The following GRIK4 variants were observed in gnomAD, a reference collection of about 807,000 sequenced individuals.
GRIK4 encodes glutamate receptor ionotropic, kainate 4.
Under a neutral mutation model 104.9 loss-of-function variants are expected in GRIK4, and 40 were observed. The observed-to-expected ratio is 0.38, with a 90% CI of 0.30 to 0.50. GRIK4 has a LOEUF of 0.50. Ranked by LOEUF, GRIK4 falls within the 20% of genes least tolerant of loss-of-function variation. The pLI is 0.93. For missense variants in GRIK4, 1,047 were observed against 1,308.1 expected (o/e 0.80, Z 3.08); for synonymous variants, 485 against 524.9 (o/e 0.92, Z 1.04).
chr11:120,570,430 C>T (rs7929781), intron 1 of GRIK4, among the ~76,000 whole-genome samples: 76,114 of 151,932 alleles, frequency 0.5, 19,900 homozygotes, highest in African/African-American at 0.65. Flanking sequence ...TTTAATGTAT[C>T]GATTGCATAC....
Position 120,587,288 on chromosome 11 carries a change from C to A in GRIK4, c.-158-66397C>A, listed in dbSNP as rs560460837. Among the ~76,000 whole-genome samples, 13 of 152,100 alleles carry A rather than the reference C, an allele frequency of 8.5e-5. No homozygotes were observed. In the East Asian group the frequency reaches 1.5e-3, roughly 18 times the overall value. On this transcript the variant is annotated intron_variant, in intron 1 of 20. Coordinates refer to ENST00000527524, the MANE Select transcript of GRIK4 (RefSeq NM_014619.5). ...GGGTGAGAGGCCCCTGGGGAAGGCA[C>A]CGCGGCCAGTGTGAGTACGTGATTG...
chr11:120,756,359 C>T (rs1242177513), intron 3 of GRIK4, among the ~76,000 whole-genome samples: 2 of 152,174 alleles, frequency 1.3e-5, no homozygotes, highest in Non-Finnish European at 2.9e-5. Context: ...TAACTCTTGA[C>T]CCTTAAGGCC....
intron 3 of GRIK4, among the ~76,000 whole-genome samples, chr11:120,768,292 A>G (rs188436670): frequency 6.6e-6 from 1 of 151,878 alleles, no homozygotes; most frequent in East Asian, 1.9e-4. Context: ...ATTCCTAGAT[A>G]TTTTGTTTTT....
chr11:120,988,129 C>T lies in GRIK4; in HGVS notation c.*1869C>T, dbSNP rs921449025. The T allele has an allele frequency of 5.3e-5, 8 of 152,244 alleles. No homozygotes were observed. The highest frequency in any genetic ancestry group is 1.9e-4 in the African/African-American group (8 of 41,458). The allele number at this position is 152,244 out of a possible 1,614,324, so 9.4% of individuals were successfully genotyped here. A position where few individuals can be genotyped will look rare whatever the true frequency, so the allele number is the denominator to read the frequency against. On this transcript the variant is annotated 3_prime_UTR_variant, in exon 21 of 21. Coordinates refer to ENST00000527524, the MANE Select transcript of GRIK4 (RefSeq NM_014619.5). ...GGGCCAAATGGTACCCTGATTATTC[C>T]TGTGAGGGATACTCGTTTTGTCCTC...
chr11:120,854,360 A>T (rs1954051587), intron 8 of GRIK4, among the ~76,000 whole-genome samples: 1 of 152,246 alleles, frequency 6.6e-6, no homozygotes, highest in Admixed American at 6.5e-5. Flanking sequence ...AAGCAGAGCC[A>T]GTTCTGGAGT....
In GRIK4 at chr11:120,863,741, A is replaced by G. The variant is rs150997962; in HGVS notation, c.906+1621A>G. 1.2e-3 allele frequency among the ~76,000 whole-genome samples: 184 copies of G among 152,324 alleles called. 1 individual carries two copies. The highest frequency in any genetic ancestry group is 4.0e-3 in the African/African-American group (166 of 41,572). ...CTAGACATCTATACACTTGGCATCT[A>G]ATTAGTACTTGGCCAACACGGTGAC... On this transcript the variant is annotated intron_variant, in intron 9 of 20. Transcript: ENST00000527524.
intron 1 of GRIK4, among the ~76,000 whole-genome samples, chr11:120,650,397 C>T (rs1375794610): frequency 6.6e-6 from 1 of 152,172 alleles, no homozygotes; most frequent in Non-Finnish European, 1.5e-5. Flanking sequence ...CAGCAGACTC[C>T]CTGTGATTTC....
chr11:120,670,009 A>G (rs554068574), intron 3 of GRIK4, among the ~76,000 whole-genome samples: 1 of 151,864 alleles, frequency 6.6e-6, no homozygotes, highest in Non-Finnish European at 1.5e-5. Flanking sequence ...CCTACTGTCT[A>G]CTCATTTCAT....
intron 11 of GRIK4, among the ~76,000 whole-genome samples, chr11:120,885,107 C>T (rs533449473): frequency 2.6e-5 from 4 of 152,404 alleles, no homozygotes; most frequent in African/African-American, 7.2e-5. Flanking sequence ...CATGGCCTGC[C>T]TGTGTCATGT....
intron 13 of GRIK4, among the ~76,000 whole-genome samples, chr11:120,908,437 A>G (rs113573060): frequency 6.8e-6 from 1 of 147,280 alleles, no homozygotes; most frequent in African/African-American, 2.7e-5. Flanking sequence ...ACACACACAC[A>G]TACACACACA....
At chr11:120,934,419 G>A (rs1218672767) in intron 13 of GRIK4, among the ~76,000 whole-genome samples, 1 of 152,112 alleles carries the variant, frequency 6.6e-6, no homozygotes, top group East Asian at 1.9e-4. Flanking sequence ...AGTGGGAGCA[G>A]GGGGCCCAGG....
intron 1 of GRIK4, among the ~76,000 whole-genome samples, chr11:120,653,108 T>A (rs1367659448): frequency 6.6e-6 from 1 of 152,272 alleles, no homozygotes; most frequent in East Asian, 1.9e-4. Context: ...CATGCATGCA[T>A]GCATTTGACA....
chr11:120,704,307 A>G (rs1950596124), intron 3 of GRIK4, among the ~76,000 whole-genome samples: 1 of 152,232 alleles, frequency 6.6e-6, no homozygotes, highest in Admixed American at 6.5e-5. Context: ...GTTGTCCTCC[A>G]TAGCACTCAC....
intron 3 of GRIK4, among the ~76,000 whole-genome samples, chr11:120,745,104 T>C (rs1263255430): frequency 6.6e-6 from 1 of 152,218 alleles, no homozygotes; most frequent in African/African-American, 2.4e-5. Flanking sequence ...TCATCCTTGC[T>C]GATGTCCAAA....
chr11:120,531,123 G>A (rs1565540266), intron 1 of GRIK4, among the ~76,000 whole-genome samples: 1 of 152,204 alleles, frequency 6.6e-6, no homozygotes, highest in African/African-American at 2.4e-5. Context: ...CAGCTCTCTT[G>A]CTTTCCTTGA....
At chr11:120,753,073 C>T (rs1026572021) in intron 3 of GRIK4, among the ~76,000 whole-genome samples, 2 of 152,228 alleles carry the variant, frequency 1.3e-5, no homozygotes, top group Non-Finnish European at 2.9e-5. Context: ...GGCATCACTG[C>T]TCACCTCATC....
At chr11:120,582,333 TA>T (rs1948595786) in intron 1 of GRIK4, among the ~76,000 whole-genome samples, 1 of 151,940 alleles carries the variant, frequency 6.6e-6, no homozygotes, top group South Asian at 2.1e-4. Context: ...ATTTTAGGTT[TA>T]GGGGTACATG....
chr11:120,664,851 G>A (rs1949881636), intron 3 of GRIK4, among the ~76,000 whole-genome samples: 3 of 152,200 alleles, frequency 2.0e-5, no homozygotes, highest in Non-Finnish European at 2.9e-5. Context: ...AGTCGAGGTG[G>A]CAAGGGAAGT....
At chr11:120,818,130 C>T (rs554530771) in intron 5 of GRIK4, among the ~76,000 whole-genome samples, 5 of 152,290 alleles carry the variant, frequency 3.3e-5, no homozygotes, top group East Asian at 3.9e-4. Context: ...CTCTAGGATC[C>T]GTGGATTCAC....
Sources: gnomAD v4.1 joint callset for allele counts (sites outside exome capture counted in the v4.1 genomes callset) on GRCh38, gnomAD v4.1.1 for gene constraint, MANE v1.5 for transcripts, NCBI Gene and HGNC (gene_info 2026-07-23, HGNC 2026-07-21) for gene names.